RSU1: variants seen among roughly 807,000 people sequenced by gnomAD.
RSU1 encodes the protein Ras suppressor protein 1, also known as rsu-1.
Under a neutral mutation model 31.1 loss-of-function variants are expected in RSU1, and 26 were observed. That is an observed-to-expected ratio of 0.84 (90% CI 0.61 to 1.16). The LOEUF (loss-of-function observed/expected upper bound fraction) is 1.16, where lower values mean the gene tolerates loss of function less well. Among genes scored for constraint, RSU1 ranks in the 50% most tolerant of loss-of-function variants. RSU1 has a pLI of 0.00. For synonymous variants in RSU1, 164 were observed against 136.3 expected, an observed-to-expected ratio of 1.20 and a Z score of -1.41; for missense variants, 320 against 339.1, an observed-to-expected ratio of 0.94 and a Z score of 0.44.
At chr10:16,709,897 T>C (rs749410405) in intron 7 of RSU1, among the ~76,000 whole-genome samples, 1 of 152,244 alleles carries the variant, frequency 6.6e-6, no homozygotes, top group African/African-American at 2.4e-5. Context: ...TATTAGCCCT[T>C]TGTCAGATGA....
chr10:16,736,810 A>C (rs1836637410), intron 7 of RSU1, among the ~76,000 whole-genome samples: 1 of 152,162 alleles, frequency 6.6e-6, no homozygotes, highest in Non-Finnish European at 1.5e-5. Context: ...ACATGAACAT[A>C]ATAAGGAAAT....
chr10:16,638,721 T>A (rs948028693), intron 8 of RSU1, among the ~76,000 whole-genome samples: 1 of 152,192 alleles, frequency 6.6e-6, no homozygotes, highest in African/African-American at 2.4e-5. Context: ...CTCGTCCATA[T>A]AACAGCTTCT....
chr10:16,621,658 C>G (rs111448382), intron 8 of RSU1, among the ~76,000 whole-genome samples: 1 of 152,100 alleles, frequency 6.6e-6, no homozygotes, highest in Non-Finnish European at 1.5e-5. Flanking sequence ...TCTTACATGG[C>G]GGCAGGCAAG....
chr10:16,591,242 C>T lies in RSU1; in HGVS notation c.*2152G>A, dbSNP rs963300907. ...TCAACAATTTTTAATGTCATAAAAG[C>T]CTCATGCAGACACACCGTAATTCAT... On this transcript the variant is annotated 3_prime_UTR_variant, in exon 9 of 9. Transcript: ENST00000345264. 2.0e-5 allele frequency: 3 copies of T among 152,154 alleles called. No individual in the cohort carries two copies. Among genetic ancestry groups the T allele is most frequent in the Non-Finnish European group, 4.4e-5 (3 of 68,052 alleles). The allele number at this position is 152,154 out of a possible 1,614,324, so 9.4% of individuals were successfully genotyped here.
intron 8 of RSU1, among the ~76,000 whole-genome samples, chr10:16,691,136 G>A (rs1232781538): frequency 2.6e-5 from 4 of 152,104 alleles, no homozygotes; most frequent in African/African-American, 4.8e-5. Context: ...CCTGAAGGCT[G>A]CCACATGTAA....
Position 16,593,508 on chromosome 10 carries a change from G to A in RSU1, c.732-12C>T. On this transcript the variant is annotated splice_polypyrimidine_tract_variant and intron_variant, in intron 8 of 8. Coordinates refer to ENST00000345264, the MANE Select transcript of RSU1 (RefSeq NM_012425.4). ...GTCTGCCGTAGAGGCTGCAAAGACAGAGAAAGGACACTATCAGATCTATTT... is the reference window on the plus strand; with the variant it reads ...GTCTGCCGTAGAGGCTGCAAAGACAAAGAAAGGACACTATCAGATCTATTT... 3 of 1,594,570 alleles carry A rather than the reference G, an allele frequency of 1.9e-6. No individual in the cohort carries two copies. The highest frequency in any genetic ancestry group is 2.6e-6 in the Non-Finnish European group (3 of 1,162,172).
intron 4 of RSU1, among the ~76,000 whole-genome samples, chr10:16,760,374 G>A (rs1837182939): frequency 6.6e-6 from 1 of 151,928 alleles, no homozygotes; most frequent in Non-Finnish European, 1.5e-5. Flanking sequence ...CTGGGTGTGG[G>A]TGTGTGCACT....
At chr10:16,765,295 T>C (rs1298331162) in intron 3 of RSU1, among the ~76,000 whole-genome samples, 1 of 152,188 alleles carries the variant, frequency 6.6e-6, no homozygotes, top group Non-Finnish European at 1.5e-5. Context: ...CTCCCTAGTT[T>C]CTGATTTTGG....
At position 16,771,041 on chromosome 10, in the gene RSU1, T is replaced by C. The variant is rs541120904; in HGVS notation, c.161-6531A>G. On this transcript the variant is annotated intron_variant, in intron 3 of 8. Transcript: ENST00000345264. ...GCCTGGGCAGATGTTCACAATGTCA[T>C]ATATTTCTGCAGCTTTTTTTATAAA... Among the ~76,000 whole-genome samples, 14 of 151,738 alleles carry C rather than the reference T, an allele frequency of 9.2e-5. No individual in the cohort carries two copies. The South Asian group carries it at 2.9e-3, about 32-fold the overall frequency.
chr10:16,697,447 A>G (rs1835700009), intron 7 of RSU1, among the ~76,000 whole-genome samples: 1 of 152,182 alleles, frequency 6.6e-6, no homozygotes, highest in African/African-American at 2.4e-5. Context: ...ACTTGAGGTC[A>G]GGAGTTCCAG....
At chr10:16,718,747 G>T (rs1172267913) in intron 7 of RSU1, among the ~76,000 whole-genome samples, 1 of 152,180 alleles carries the variant, frequency 6.6e-6, no homozygotes, top group East Asian at 1.9e-4. Flanking sequence ...TTGGGAGGCT[G>T]AGGCGGGCAG....
At chr10:16,705,384 ATTAT>A (rs1270143419) in intron 7 of RSU1, among the ~76,000 whole-genome samples, 3 of 152,206 alleles carry the variant, frequency 2.0e-5, no homozygotes, top group African/African-American at 7.2e-5. Flanking sequence ...TAATCTCTAC[ATTAT>A]TTATAATACA....
intron 8 of RSU1, among the ~76,000 whole-genome samples, chr10:16,660,905 C>T (rs1038461588): frequency 4.6e-5 from 7 of 152,118 alleles, no homozygotes; most frequent in Non-Finnish European, 1.0e-4. Flanking sequence ...CTGCAAACCT[C>T]CCAAAGTGCT....
At chr10:16,752,497 T>G in intron 7 of RSU1, 42 bp downstream of exon 7, 2 of 1,434,678 alleles carry the variant, frequency 1.4e-6, no homozygotes, top group Middle Eastern at 1.7e-4. Flanking sequence ...ATAATTGTTA[T>G]TCATGAAACC....
chr10:16,696,434 T>C (rs961318848), intron 7 of RSU1, among the ~76,000 whole-genome samples: 3 of 152,206 alleles, frequency 2.0e-5, no homozygotes, highest in African/African-American at 7.2e-5. Context: ...AAATAATAGA[T>C]ACTTTGAATC....
rs1554769193 is a variant in RSU1 at position 16,722,979 on chromosome 10, T to TACACACATATACATATATGCATATAG, written c.599-27850_599-27825dup. 1.5e-3 allele frequency: 220 copies of TACACACATATACATATATGCATATAG among 150,094 alleles called. 3 individuals carry two copies. The highest frequency in any genetic ancestry group is 7.0e-3 in the East Asian group (36 of 5,118). 9.3% of individuals were successfully genotyped at this position (150,094 alleles called of 1,614,324 possible). On this transcript the variant is annotated intron_variant, in intron 7 of 8. Coordinates refer to ENST00000345264, the MANE Select transcript of RSU1 (RefSeq NM_012425.4). The stretch of plus-strand genomic sequence containing the variant: ...ACACACATATACATATATGTATATA[T>TACACACATATACATATATGCATATAG]ACACACATATACATATATGCATATA...
chr10:16,749,036 T>C (rs1836919454), intron 7 of RSU1, among the ~76,000 whole-genome samples: 3 of 152,134 alleles, frequency 2.0e-5, no homozygotes, highest in Admixed American at 6.5e-5. Context: ...TGACTCTTAC[T>C]TTACCGGAAA....
chr10:16,614,329 G>A (rs918093323), intron 8 of RSU1, among the ~76,000 whole-genome samples: 1 of 151,992 alleles, frequency 6.6e-6, no homozygotes, highest in Non-Finnish European at 1.5e-5. Context: ...AACTCATGGA[G>A]ATAGAGAGGA....
intron 8 of RSU1, among the ~76,000 whole-genome samples, chr10:16,617,215 T>C (rs1032172520): frequency 6.6e-6 from 1 of 152,220 alleles, no homozygotes; most frequent in Non-Finnish European, 1.5e-5. Flanking sequence ...AGTGAAATCA[T>C]GAGTGAGCTC....
Sources: allele counts gnomAD v4.1 joint callset (sites outside exome capture counted in the v4.1 genomes callset), GRCh38; gene constraint gnomAD v4.1.1; transcripts MANE v1.5; gene names NCBI Gene and HGNC (gene_info 2026-07-23, HGNC 2026-07-21).